TNRC6A: variants seen among roughly 807,000 people sequenced by gnomAD.
The protein encoded by TNRC6A is trinucleotide repeat containing adaptor 6A.
TNRC6A carries 44 observed loss-of-function variants against 221.2 expected under a neutral mutation model. That is an observed-to-expected ratio of 0.20 (90% confidence interval 0.16 to 0.26). TNRC6A has a LOEUF of 0.26. Among genes scored for constraint, TNRC6A ranks in the 10% least tolerant of loss-of-function variants. The pLI, the probability that TNRC6A is intolerant of heterozygous loss-of-function variation, is 1.00. For missense variants in TNRC6A, 2,199 were observed against 2,404.4 expected, an observed-to-expected ratio of 0.91 and a Z score of 1.79; for synonymous variants, 847 against 838.5, an observed-to-expected ratio of 1.01 and a Z score of -0.18.
chr16:24,806,441 A>T (rs2058433507), intron 16 of TNRC6A, 133 bp from the exon 17 acceptor site: 16 of 1,352,314 alleles, frequency 1.2e-5, no homozygotes, highest in Non-Finnish European at 1.5e-5. Context: ...CCCATGAGTT[A>T]TGTGAACATT....
rs189000862 is a variant in TNRC6A, at chr16:24,767,633, T to A, written c.163+9273T>A. Reference sequence around the variant, plus strand: ...TTTGCCCATGTTTTGCAAAAGCTTTTAAAATCTCTAGCATTTTATAGTATT... The same window carrying A: ...TTTGCCCATGTTTTGCAAAAGCTTTAAAAATCTCTAGCATTTTATAGTATT... On this transcript the variant is annotated intron_variant, in intron 4 of 24. Coordinates refer to ENST00000395799, the MANE Select transcript of TNRC6A (RefSeq NM_014494.4). Among the ~76,000 whole-genome samples the A allele has an allele frequency of 1.2e-4, 19 of 152,342 alleles. No individual in the cohort carries two copies. The Middle Eastern group carries it at 0.01, about 82-fold the overall frequency.
Position 24,809,632 on chromosome 16 carries a change from A to C in TNRC6A, c.4672+151A>C. On this transcript the variant is annotated intron_variant, in intron 18 of 24. Transcript: ENST00000395799. ...TTAAAAAAAGTTGTTATTAAGTCTT[A>C]GTTACAATAAGAGACTTTCAGATGA... 5.3e-6 allele frequency: 5 copies of C among 945,254 alleles called. No individual in the cohort carries two copies. In the East Asian group the frequency reaches 1.5e-4, roughly 28 times the overall value. 58.6% of individuals were successfully genotyped at this position (945,254 alleles called of 1,614,324 possible).
rs765261232 is a variant in TNRC6A, at chr16:24,758,331, TA to T, written c.142-7del. ...ACATTGTTTTTTGTTTGTTTGTTTTTATTTTAGGCCACTGAACAAAAAATCA... is the reference window on the plus strand; with the variant it reads ...ACATTGTTTTTTGTTTGTTTGTTTTTTTTTAGGCCACTGAACAAAAAATCA... On this transcript the variant is annotated splice_region_variant and splice_polypyrimidine_tract_variant and intron_variant, in intron 3 of 24. Transcript: ENST00000395799. 9.3e-6 allele frequency: 15 copies of T among 1,607,862 alleles called. No homozygotes were observed. The highest frequency in any genetic ancestry group is 3.3e-5 in the Admixed American group (2 of 59,746).
intron 1 of TNRC6A, among the ~76,000 whole-genome samples, chr16:24,615,387 C>T (rs1455149679): frequency 1.3e-5 from 2 of 152,128 alleles, no homozygotes; most frequent in Admixed American, 6.6e-5. Flanking sequence ...GTGGGATATG[C>T]TCAAAGAGGT....
chr16:24,626,486 C>T (rs187175243), intron 1 of TNRC6A, among the ~76,000 whole-genome samples: 2 of 152,100 alleles, frequency 1.3e-5, no homozygotes, highest in African/African-American at 2.4e-5. Flanking sequence ...CTGTAGCCTT[C>T]CTTGGAGCAA....
intron 2 of TNRC6A, among the ~76,000 whole-genome samples, chr16:24,696,669 C>T (rs989359144): frequency 2.1e-5 from 3 of 139,994 alleles, no homozygotes; most frequent in Admixed American, 7.9e-5. Context: ...GTCAAGGCTG[C>T]AGTGAGCTAC....
upstream of TNRC6A, chr16:24,729,608 G>A: frequency 4.8e-6 from 2 of 418,672 alleles, no homozygotes; most frequent in Non-Finnish European, 8.1e-6. Flanking sequence ...TTGGGGGCCA[G>A]TGGCCGTGGC....
rs748204661 is a variant in TNRC6A at position 24,791,436 on chromosome 16, C to G, written c.2794C>G (p.Leu932Val). The G allele has an allele frequency of 2.6e-6, 4 of 1,540,354 alleles. No individual in the cohort carries two copies. In the South Asian group the frequency reaches 5.2e-5, roughly 20 times the overall value. ...WGDPPKSNQSLGWGDSSKPVS... is the reference protein window; with the variant it reads ...WGDPPKSNQSVGWGDSSKPVS... ...AGACCCTCCAAAGTCTAATCAGTCT[C>G]TAGGTTGGGGAGATTCGTCAAAGCC... Residue 932 changes from leucine (L) to valine (V), a missense_variant, in exon 6 of 25, where the codon CTA (leucine) becomes GTA (valine). Coordinates refer to ENST00000395799, the MANE Select transcript of TNRC6A (RefSeq NM_014494.4).
intron 2 of TNRC6A, among the ~76,000 whole-genome samples, chr16:24,684,528 G>A (rs1421146593): frequency 6.6e-6 from 1 of 152,116 alleles, no homozygotes; most frequent in African/African-American, 2.4e-5. Context: ...ATGTAGGGCT[G>A]GGCACAGCAG....
At chr16:24,739,518 G>A (rs1265570418) in intron 2 of TNRC6A, among the ~76,000 whole-genome samples, 190 of 121,974 alleles carry the variant, frequency 1.6e-3, no homozygotes, top group African/African-American at 5.6e-3. Flanking sequence ...TTGCTCTGTC[G>A]CCCAGGCTGG....
chr16:24,813,392 A>G (rs2058589475), intron 18 of TNRC6A, among the ~76,000 whole-genome samples: 1 of 152,212 alleles, frequency 6.6e-6, no homozygotes, highest in Non-Finnish European at 1.5e-5. Flanking sequence ...ATCTTTGGGT[A>G]TACATTGGTT....
intron 2 of TNRC6A, among the ~76,000 whole-genome samples, chr16:24,685,567 G>A (rs2055610356): frequency 6.6e-6 from 1 of 152,134 alleles, no homozygotes; most frequent in Non-Finnish European, 1.5e-5. Flanking sequence ...TCAAACTCCT[G>A]GACTCAAGCG....
intron 17 of TNRC6A, 127 bp downstream of exon 17, chr16:24,806,911 A>G: frequency 2.3e-6 from 2 of 884,398 alleles, no homozygotes; most frequent in Non-Finnish European, 3.5e-6. Flanking sequence ...GTTCCCTCTC[A>G]GAGAGTTGCC....
intron 2 of TNRC6A, among the ~76,000 whole-genome samples, chr16:24,654,027 C>T (rs935720083): frequency 2.0e-5 from 3 of 152,164 alleles, no homozygotes; most frequent in Non-Finnish European, 4.4e-5. Flanking sequence ...ACCTCAGCCT[C>T]CCAAGTAGCT....
At chr16:24,624,028 G>A (rs1208975135) in intron 1 of TNRC6A, among the ~76,000 whole-genome samples, 1 of 151,424 alleles carries the variant, frequency 6.6e-6, no homozygotes, top group Non-Finnish European at 1.5e-5. Context: ...CAGTGATGAA[G>A]CCAGCACTGG....
chr16:24,756,305 T>C (rs2057249505), intron 3 of TNRC6A, among the ~76,000 whole-genome samples: 1 of 152,220 alleles, frequency 6.6e-6, no homozygotes. Flanking sequence ...AGACAATTAC[T>C]CTTAAAATGA....
At chr16:24,789,038 A>C (rs2058036430) in intron 5 of TNRC6A, among the ~76,000 whole-genome samples, 194 bp from the exon 6 acceptor site, 1 of 152,250 alleles carries the variant, frequency 6.6e-6, no homozygotes, top group African/African-American at 2.4e-5. Context: ...ATCTTAGGAT[A>C]GTATCAGTTG....
chr16:24,726,476 T>C (rs1243816255), upstream of TNRC6A, among the ~76,000 whole-genome samples: 1 of 151,296 alleles, frequency 6.6e-6, no homozygotes, highest in Non-Finnish European at 1.5e-5. Context: ...TTGTGGCAAA[T>C]GTAGCTAAGA....
intron 2 of TNRC6A, among the ~76,000 whole-genome samples, chr16:24,655,470 CCT>C (rs2054890796): frequency 1.3e-5 from 2 of 152,140 alleles, no homozygotes; most frequent in Non-Finnish European, 2.9e-5. Flanking sequence ...GTGTGGATCA[CCT>C]GAGGTCAGGA....
Sources: allele counts gnomAD v4.1 joint callset (sites outside exome capture counted in the v4.1 genomes callset), GRCh38; gene constraint gnomAD v4.1.1; transcripts MANE v1.5; gene names NCBI Gene and HGNC (gene_info 2026-07-23, HGNC 2026-07-21).